The following DHX16 variants were observed in gnomAD, a reference collection of about 807,000 sequenced individuals.
The protein encoded by DHX16 is pre-mRNA-splicing factor ATP-dependent RNA helicase DHX16.
In DHX16, 81 loss-of-function variants were observed where a neutral mutation model predicts 131.2. The ratio of observed to expected loss-of-function variants is 0.62; its 90% confidence interval spans 0.52 to 0.74. The LOEUF (loss-of-function observed/expected upper bound fraction) is 0.74. DHX16 is among the 30% of genes least tolerant of loss of function. DHX16 has a pLI of 0.00. For synonymous variants in DHX16, 440 were observed against 520.2 expected (o/e 0.85, Z 2.10); for missense variants, 980 against 1,363.1 (o/e 0.72, Z 4.43).
In DHX16 at chr6:30,672,930, G is replaced by T; in HGVS notation, c.-89C>A. ...GTCAGAGGCCTGGAGCCCTCGGCTG[G>T]AGCCTCAGCTTCGCAAGTCAGCTAC... On this transcript the variant is annotated 5_prime_UTR_variant, in exon 1 of 20. Transcript: ENST00000376442. The T allele has an allele frequency of 6.4e-7, 1 of 1,569,770 alleles. No individual in the cohort carries two copies. Among genetic ancestry groups the T allele is most frequent in the Non-Finnish European group, 8.6e-7 (1 of 1,157,452 alleles).
rs1236152316 is a variant in DHX16, at chr6:30,655,246, G to C, written c.2752C>G (p.Leu918Val). The C allele has an allele frequency of 1.9e-6, 3 of 1,614,196 alleles. No individual in the cohort carries two copies. The highest frequency in any genetic ancestry group is 2.5e-6 in the Non-Finnish European group (3 of 1,180,048). ...MRRARDVREQLEGLLERVEVG... is the reference protein window; with the variant it reads ...MRRARDVREQVEGLLERVEVG... ...TCCACACGTTCCAAGAGCCCTTCCA[G>C]CTGTTCCCGCACATCCCGGGCTCGG... The change falls in exon 18 of 20, where the codon CTG becomes GTG. Residue 918 changes from leucine to valine, a missense_variant. Leu to Val is a conservative substitution (Grantham distance 32). This residue lies in a region of DHX16 where 214 missense variants were observed against 271.2 expected (regional missense o/e 0.79). Coordinates refer to ENST00000376442, the MANE Select transcript of DHX16 (RefSeq NM_003587.5).
Position 30,665,577 on chromosome 6 carries a change from G to C in DHX16, c.823C>G (p.Arg275Gly). 1 of 1,612,960 alleles carries C rather than the reference G, an allele frequency of 6.2e-7. No individual in the cohort carries two copies. Among genetic ancestry groups the C allele is most frequent in the Non-Finnish European group, 8.5e-7 (1 of 1,180,028 alleles). ...TACTCCCGGGCGAGATCCCGCACTC[G>C]CCGCTTATATTTGAGCTCCTGCCGC... ...HERQELKYKR[R>G]VRDLAREYRA... Residue 275 changes from arginine to glycine, a missense_variant, in exon 5 of 20, where the codon CGA (arginine) becomes GGA (glycine). Transcript: ENST00000376442. This position sits in a 1 kb window ranked among gnomAD's most constrained non-coding sequence, Gnocchi z 4.8.
At position 30,653,387 on chromosome 6, in the gene DHX16, A is replaced by G. The variant is rs748126393; in HGVS notation, c.2998-17T>C. ...CTCCAGTACCTAGGAGAGAGAAAAG[A>G]TCAATGGAGTTCCCTTCTTTCCAAC... is the stretch of plus-strand genomic sequence containing the variant. On this transcript the variant is annotated splice_polypyrimidine_tract_variant and intron_variant, in intron 19 of 19. Coordinates refer to ENST00000376442, the MANE Select transcript of DHX16 (RefSeq NM_003587.5). 35 of 1,581,948 alleles carry G rather than the reference A, an allele frequency of 2.2e-5. No homozygotes were observed. Among genetic ancestry groups the G allele is most frequent in the Non-Finnish European group, 3.0e-5 (35 of 1,170,258 alleles).
chr6:30,654,825 G>A lies in DHX16; in HGVS notation c.2878C>T (p.Arg960Cys), dbSNP rs762331918. ...HTARLTRSGY[R>C]TVKQQQTVFI... is the part of the protein sequence containing the mutation. ...ACTGTCTGCTGCTGTTTCACTGTGCGGTAGCCACTCCGAGTCAACCGTGCC... is the reference window on the plus strand; with the variant it reads ...ACTGTCTGCTGCTGTTTCACTGTGCAGTAGCCACTCCGAGTCAACCGTGCC... Residue 960 changes from arginine (R) to cysteine (C), a missense_variant, in exon 19 of 20, where the codon CGC becomes TGC. Arg to Cys is a radical substitution (Grantham distance 180). Around this residue, in one of 3 missense-constraint regions of DHX16, gnomAD observed 214 missense variants for 271.2 expected, o/e 0.79. Coordinates refer to ENST00000376442, the MANE Select transcript of DHX16 (RefSeq NM_003587.5). 1.1e-5 allele frequency: 17 copies of A among 1,612,846 alleles called. No individual in the cohort carries two copies. Among genetic ancestry groups the A allele is most frequent in the East Asian group, 2.2e-5 (1 of 44,900 alleles).
At chr6:30,666,806 C>T (rs1436821683) in intron 4 of DHX16, among the ~76,000 whole-genome samples, 1 of 152,000 alleles carries the variant, frequency 6.6e-6, no homozygotes, top group Non-Finnish European at 1.5e-5. Context: ...AAAACTGCAT[C>T]TTTAAAAAAA....
chr6:30,665,355 C>T lies in DHX16; in HGVS notation c.922-81G>A. On this transcript the variant is annotated intron_variant, in intron 5 of 19. Coordinates refer to ENST00000376442, the MANE Select transcript of DHX16 (RefSeq NM_003587.5). The surrounding 1 kb of genome is among the most constrained non-coding windows in gnomAD (Gnocchi z 4.8). ...TCCCCTCTTCCCATTACTACCCCCG[C>T]CCACTGCCCATTGGGAACGGCAAGG... 6.3e-7 allele frequency: 1 copy of T among 1,587,182 alleles called. No individual in the cohort carries two copies. The highest frequency in any genetic ancestry group is 8.6e-7 in the Non-Finnish European group (1 of 1,167,656).
intron 18 of DHX16, 67 bp downstream of exon 18, chr6:30,655,108 C>A: frequency 1.3e-6 from 2 of 1,591,232 alleles, no homozygotes; most frequent in South Asian, 1.1e-5. Flanking sequence ...ATGCTGCATG[C>A]CCCCAGAGAA....
At position 30,659,469 on chromosome 6, in the gene DHX16, G is replaced by C; in HGVS notation, c.2007+3C>G. 6.3e-7 allele frequency: 1 copy of C among 1,585,066 alleles called. No homozygotes were observed. Among genetic ancestry groups the C allele is most frequent in the Non-Finnish European group, 8.6e-7 (1 of 1,165,948 alleles). On this transcript the variant is annotated splice_donor_region_variant and intron_variant, in intron 12 of 19. Coordinates refer to ENST00000376442, the MANE Select transcript of DHX16 (RefSeq NM_003587.5). ...GTGAAGAGTGTGGGTTTCTCCAACTGACCTTTCGTGCCCCAGGTGGTGTGG... is the reference window on the plus strand; with the variant it reads ...GTGAAGAGTGTGGGTTTCTCCAACTCACCTTTCGTGCCCCAGGTGGTGTGG...
At position 30,659,594 on chromosome 6, in the gene DHX16, G is replaced by A; in HGVS notation, c.1885C>T (p.Gln629Ter). 1 of 1,613,798 alleles carries A rather than the reference G, an allele frequency of 6.2e-7. No individual in the cohort carries two copies. Among genetic ancestry groups the A allele is most frequent in the Non-Finnish European group, 8.5e-7 (1 of 1,180,020 alleles). The change falls in exon 12 of 20, where the codon CAG (glutamine) becomes TAG (stop). Residue 629 changes from glutamine to a stop codon, truncating the protein, a stop_gained. Transcript: ENST00000376442. LOFTEE classifies it high-confidence loss of function. ...EEIEAACEML[Q>*]DRCRRLGSKI... is the part of the protein sequence containing the mutation. ...GAGCCCAGGCGGCGGCAGCGATCCT[G>A]GAGCATCTCACAGGCAGCCTCAATC...
At position 30,671,110 on chromosome 6, in the gene DHX16, C is replaced by G. The variant is rs758432267; in HGVS notation, c.372G>C (p.Lys124Asn). The change falls in exon 2 of 20, where the codon AAG becomes AAC. Residue 124 changes from lysine (K) to asparagine (N), a missense_variant. Physicochemically the swap from Lys to Asn is moderately conservative, Grantham distance 94. Transcript: ENST00000376442. ...AGSSLQKKRKKRKHLRKKREE... is the reference protein window; with the variant it reads ...AGSSLQKKRKNRKHLRKKREE... ...CACGCTTCTTCCTGAGGTGTTTCCG[C>G]TTTTTACGTTTCTTCTGGAGGCTGC... is the stretch of plus-strand genomic sequence containing the variant. 1 of 1,613,102 alleles carries G rather than the reference C, an allele frequency of 6.2e-7. No homozygotes were observed. Among genetic ancestry groups the G allele is most frequent in the Admixed American group, 1.7e-5 (1 of 60,026 alleles).
chr6:30,660,319 G>C, intron 9 of DHX16, 77 bp from the exon 10 acceptor site: 1 of 1,219,360 alleles, frequency 8.2e-7, no homozygotes, highest in South Asian at 1.7e-5. Context: ...AACTGGATGA[G>C]AGGGGAGTAA....
chr6:30,672,093 G>A (rs1769613041), intron 1 of DHX16, among the ~76,000 whole-genome samples: 1 of 151,724 alleles, frequency 6.6e-6, no homozygotes, highest in African/African-American at 2.4e-5. Context: ...AGGATTGCTT[G>A]AGCTGAGGAG....
rs1452442502 is a variant in DHX16 at position 30,656,954 on chromosome 6, T to A, written c.2146A>T (p.Lys716Ter). Residue 716 changes from lysine (K) to a stop codon, truncating the protein, a stop_gained and splice_region_variant, in exon 13 of 20, where the codon AAG becomes TAG. Coordinates refer to ENST00000376442, the MANE Select transcript of DHX16 (RefSeq NM_003587.5). LOFTEE classifies it high-confidence loss of function. The surrounding 1 kb of genome is among the most constrained non-coding windows in gnomAD (Gnocchi z 5.1). ...CTCCCATGCATCCCCAGGCTGACCT[T>A]GCTGCAGGGTGTGACAGTGAGCGAT... ...MESLTVTPCS[K>*]ASANQRAGRA... 6.2e-7 allele frequency: 1 copy of A among 1,611,626 alleles called. No individual in the cohort carries two copies. Among genetic ancestry groups the A allele is most frequent in the African/African-American group, 1.3e-5 (1 of 74,886 alleles).
chr6:30,662,552 G>A lies in DHX16; in HGVS notation c.1544+75C>T. On this transcript the variant is annotated intron_variant, in intron 9 of 19. Coordinates refer to ENST00000376442, the MANE Select transcript of DHX16 (RefSeq NM_003587.5). The surrounding 1 kb of genome is among the most constrained non-coding windows in gnomAD (Gnocchi z 4.7). ...TTGAACCACAAAGATTCAAGAACGG[G>A]TGGATTAATCAGAAGACAATGGCTG... 1.6e-6 allele frequency: 2 copies of A among 1,269,734 alleles called. No individual in the cohort carries two copies. Among genetic ancestry groups the A allele is most frequent in the Non-Finnish European group, 2.3e-6 (2 of 876,848 alleles). The allele number at this position is 1,269,734 out of a possible 1,614,324, so 78.7% of individuals were successfully genotyped here.
In DHX16 at chr6:30,655,546, G is replaced by C. The variant is rs774542988; in HGVS notation, c.2550C>G (p.Asn850Lys). The change falls in exon 17 of 20, where the codon AAC becomes AAG. Residue 850 changes from asparagine to lysine, a missense_variant. Asn to Lys is a moderately conservative substitution (Grantham distance 94). Transcript: ENST00000376442. ...ILTVAAMLSVNNSIFYRPKDK... is the reference protein window; with the variant it reads ...ILTVAAMLSVKNSIFYRPKDK... ...CCTTTGGTCGGTAGAAGATGGAGTT[G>C]TTGACAGAGAGCATGGCAGCCACTG... 1 of 1,612,988 alleles carries C rather than the reference G, an allele frequency of 6.2e-7. No homozygotes were observed. The highest frequency in any genetic ancestry group is 1.3e-5 in the African/African-American group (1 of 74,930).
intron 12 of DHX16, among the ~76,000 whole-genome samples, chr6:30,659,089 G>C (rs554147458): frequency 6.6e-6 from 1 of 152,098 alleles, no homozygotes; most frequent in Non-Finnish European, 1.5e-5. Context: ...GTTTCACCAC[G>C]TTAGGCAGCC....
rs1311876680 is a variant in DHX16 at position 30,661,854 on chromosome 6, C to T, written c.1544+773G>A. The T allele has an allele frequency of 4.2e-6, 3 of 718,054 alleles. No homozygotes were observed. The South Asian group carries it at 4.4e-5, about 11-fold the overall frequency. 44.5% of individuals were successfully genotyped at this position (718,054 alleles called of 1,614,324 possible). A position where few individuals can be genotyped will look rare whatever the true frequency, so the allele number is the denominator to read the frequency against. On this transcript the variant is annotated intron_variant, in intron 9 of 19. Coordinates refer to ENST00000376442, the MANE Select transcript of DHX16 (RefSeq NM_003587.5). ...GACACTCTTGCGCTGGCTGGCTCTCCATGGGTTCTTAGAGATCTTTTGCAA... is the reference window on the plus strand; with the variant it reads ...GACACTCTTGCGCTGGCTGGCTCTCTATGGGTTCTTAGAGATCTTTTGCAA...
rs1769502174 is a variant in DHX16, at chr6:30,671,100, G to A, written c.382C>T (p.Leu128Phe). ...LQKKRKKRKH[L>F]RKKREEEEEE... ...TCTTCTTCCTCACGCTTCTTCCTGA[G>A]GTGTTTCCGCTTTTTACGTTTCTTC... Residue 128 changes from leucine (L) to phenylalanine (F), a missense_variant, in exon 2 of 20, where the codon CTC becomes TTC. Physicochemically the swap from Leu to Phe is conservative, Grantham distance 22 (BLOSUM62 0). This residue lies in a region of DHX16 where 457 missense variants were observed against 554.8 expected (regional missense o/e 0.82). Transcript: ENST00000376442. The A allele has an allele frequency of 1.9e-6, 3 of 1,613,038 alleles. No individual in the cohort carries two copies. Among genetic ancestry groups the A allele is most frequent in the Non-Finnish European group, 8.5e-7 (1 of 1,180,036 alleles).
Position 30,653,247 on chromosome 6 carries a change from C to A in DHX16, c.3121G>T (p.Gly1041Trp). The change falls in exon 20 of 20, where the codon GGG (glycine) becomes TGG (tryptophan). Residue 1041 changes from glycine to tryptophan, a missense_variant. This residue lies in a region of DHX16 where 214 missense variants were observed against 271.2 expected (regional missense o/e 0.79). Transcript: ENST00000376442. ...KKIGKTREEL[G>W] is the part of the protein sequence containing the mutation. The stretch of plus-strand genomic sequence containing the variant: ...GTTCTGTTTACGTCCTTCTCTTACC[C>A]TAGCTCTTCTCGTGTTTTGCCTATT... 4 of 1,612,888 alleles carry A rather than the reference C, an allele frequency of 2.5e-6. No individual in the cohort carries two copies. Among genetic ancestry groups the A allele is most frequent in the Non-Finnish European group, 3.4e-6 (4 of 1,179,974 alleles).
Sources: allele counts gnomAD v4.1 joint callset (sites outside exome capture counted in the v4.1 genomes callset), GRCh38; gene constraint gnomAD v4.1.1; regional missense constraint gnomAD v4.1.1; non-coding constraint Gnocchi (gnomAD v3.1); transcripts MANE v1.5; gene names NCBI Gene and HGNC (gene_info 2026-07-23, HGNC 2026-07-21).